ANO2: variants seen among roughly 807,000 people sequenced by gnomAD.
ANO2 encodes anoctamin-2.
Under a neutral mutation model 124.2 loss-of-function variants are expected in ANO2, and 101 were observed. That is an observed-to-expected ratio of 0.81 (90% CI 0.69 to 0.96). The LOEUF is 0.96. Among genes scored for constraint, ANO2 ranks in the 40% least tolerant of loss-of-function variants. ANO2 has a pLI of 0.00. For synonymous variants in ANO2, 486 were observed against 482.5 expected (o/e 1.01, Z -0.09); for missense variants, 1,293 against 1,274.5 (o/e 1.01, Z -0.22).
At chr12:5,592,141 G>A (rs1943425106) in intron 20 of ANO2, among the ~76,000 whole-genome samples, 1 of 152,184 alleles carries the variant, frequency 6.6e-6, no homozygotes, top group Non-Finnish European at 1.5e-5. Flanking sequence ...CACAGGTCAT[G>A]GGATCAAGAG....
intron 3 of ANO2, among the ~76,000 whole-genome samples, chr12:5,859,276 A>G (rs1007029453): frequency 3.3e-5 from 5 of 152,232 alleles, no homozygotes; most frequent in Admixed American, 6.5e-5. Context: ...CAGGCCTGTC[A>G]GTCTAAGGTA....
chr12:5,610,420 T>C (rs1375847524), intron 19 of ANO2, among the ~76,000 whole-genome samples: 1 of 126,288 alleles, frequency 7.9e-6, no homozygotes, highest in African/African-American at 3.0e-5. Flanking sequence ...AATGCATATA[T>C]TTATACATAA....
At position 5,854,097 on chromosome 12, in the gene ANO2, C is replaced by T; in HGVS notation, c.579G>A (p.Trp193Ter). Residue 193 changes from tryptophan to a stop codon, truncating the protein, a stop_gained, in exon 4 of 25, where the codon TGG becomes TGA. Transcript: ENST00000682330. LOFTEE classifies it high-confidence loss of function. ...ATTCTGCCTCTCTGGCCAGCACCTGCCACGGGGCGTGTATCCGGACAAAGA... is the reference window on the plus strand; with the variant it reads ...ATTCTGCCTCTCTGGCCAGCACCTGTCACGGGGCGTGTATCCGGACAAAGA... ...GSIFVRIHAP[W>*]QVLAREAEFL... 6.2e-7 allele frequency: 1 copy of T among 1,613,664 alleles called. No individual in the cohort carries two copies. Among genetic ancestry groups the T allele is most frequent in the Non-Finnish European group, 8.5e-7 (1 of 1,179,692 alleles).
intron 8 of ANO2, among the ~76,000 whole-genome samples, chr12:5,807,020 A>G (rs1220027076): frequency 6.6e-6 from 1 of 152,190 alleles, no homozygotes; most frequent in Non-Finnish European, 1.5e-5. Context: ...ACATCTGTAT[A>G]GTTACACTTT....
chr12:5,832,655 G>A, intron 4 of ANO2, 52 bp from the exon 5 acceptor site: 1 of 1,539,264 alleles, frequency 6.5e-7, no homozygotes, highest in Non-Finnish European at 8.7e-7. Context: ...CCAGCAGAGA[G>A]GAATGGCTTC....
At chr12:5,794,071 G>A (rs891082358) in intron 10 of ANO2, among the ~76,000 whole-genome samples, 5 of 152,198 alleles carry the variant, frequency 3.3e-5, no homozygotes, top group African/African-American at 1.2e-4. Flanking sequence ...ACCTCAACCA[G>A]CTGTTGCTGC....
chr12:5,625,161 A>T lies in ANO2; in HGVS notation c.1817-9864T>A, dbSNP rs977647287. Among the ~76,000 whole-genome samples, 19 of 152,184 alleles carry T rather than the reference A, an allele frequency of 1.2e-4. 1 individual carries two copies. The highest frequency in any genetic ancestry group is 4.1e-4 in the African/African-American group (17 of 41,440). The stretch of plus-strand genomic sequence containing the variant: ...CAGGGGAAGGATGTGACAAAATTAA[A>T]TTTTTAAAAAATCACAGAAAGTGAA... On this transcript the variant is annotated intron_variant, in intron 16 of 24. Transcript: ENST00000682330.
chr12:5,601,973 C>T (rs1943962597), intron 19 of ANO2, among the ~76,000 whole-genome samples: 1 of 152,102 alleles, frequency 6.6e-6, no homozygotes, highest in South Asian at 2.1e-4. Flanking sequence ...CCAGGTATCC[C>T]CAAGGCAGGG....
In ANO2 at chr12:5,636,987, G is replaced by A. The variant is rs915786188; in HGVS notation, c.1621-1640C>T. Among the ~76,000 whole-genome samples the A allele has an allele frequency of 2.0e-5, 3 of 151,718 alleles. No individual in the cohort carries two copies. The highest frequency in any genetic ancestry group is 4.8e-5 in the African/African-American group (2 of 41,258). ...CGTTCTCTGGGTAGAGGAAGGCTGT[G>A]TGTGTTTGGGTGTGTGTGGGTGTGG... is the stretch of plus-strand genomic sequence containing the variant. On this transcript the variant is annotated intron_variant, in intron 15 of 24. Transcript: ENST00000682330. The surrounding 1 kb of genome is among the most constrained non-coding windows in gnomAD (Gnocchi z 4.6).
intron 1 of ANO2, among the ~76,000 whole-genome samples, chr12:5,943,042 AG>A (rs1328128150): frequency 6.6e-6 from 1 of 152,228 alleles, no homozygotes; most frequent in East Asian, 1.9e-4. Context: ...CAACCACTAT[AG>A]AAAAACAGTA....
Position 5,615,301 on chromosome 12 carries a change from T to A in ANO2, c.1817-4A>T, listed in dbSNP as rs1210233996. On this transcript the variant is annotated splice_polypyrimidine_tract_variant and splice_region_variant and intron_variant, in intron 16 of 24. Coordinates refer to ENST00000682330, the MANE Select transcript of ANO2 (RefSeq NM_001364791.2). ...GTCTGTTCTGTTTTCGGAACCTCTG[T>A]AAGAGAAGAGCGAGGCTGATGAGAT... 3 of 1,609,816 alleles carry A rather than the reference T, an allele frequency of 1.9e-6. No homozygotes were observed. Among genetic ancestry groups the A allele is most frequent in the Non-Finnish European group, 2.5e-6 (3 of 1,177,528 alleles).
chr12:5,667,305 T>C (rs1348505231), intron 14 of ANO2, among the ~76,000 whole-genome samples: 1 of 151,514 alleles, frequency 6.6e-6, no homozygotes, highest in African/African-American at 2.4e-5. Flanking sequence ...CACTTCACAG[T>C]TGGTTAGCTC....
chr12:5,869,183 G>T (rs1955507598), intron 3 of ANO2, among the ~76,000 whole-genome samples: 1 of 152,076 alleles, frequency 6.6e-6, no homozygotes, highest in Non-Finnish European at 1.5e-5. Context: ...ACTCTCCAAG[G>T]CTCGCTTCCA....
chr12:5,783,108 A>C (rs1952449499), intron 10 of ANO2, among the ~76,000 whole-genome samples: 1 of 152,228 alleles, frequency 6.6e-6, no homozygotes, highest in Non-Finnish European at 1.5e-5. Flanking sequence ...CAACACACTG[A>C]GAGCTCATGC....
intron 14 of ANO2, among the ~76,000 whole-genome samples, chr12:5,713,932 A>G (rs1949915982): frequency 6.6e-6 from 1 of 152,124 alleles, no homozygotes; most frequent in South Asian, 2.1e-4. Flanking sequence ...CCCTCCCTCT[A>G]TCTGCCAGGT....
chr12:5,655,331 T>A (rs747974485), intron 14 of ANO2, among the ~76,000 whole-genome samples: 1 of 152,212 alleles, frequency 6.6e-6, no homozygotes, highest in African/African-American at 2.4e-5. Context: ...TTCTCCTTTA[T>A]CTTAAAACTG....
At chr12:5,775,258 G>C (rs1952194820) in intron 10 of ANO2, among the ~76,000 whole-genome samples, 1 of 151,816 alleles carries the variant, frequency 6.6e-6, no homozygotes, top group Admixed American at 6.6e-5. Flanking sequence ...TAAGAGAATA[G>C]AAATAATTAC....
chr12:5,605,916 T>C (rs550967010), intron 19 of ANO2, among the ~76,000 whole-genome samples: 7 of 152,292 alleles, frequency 4.6e-5, no homozygotes, highest in African/African-American at 1.7e-4. Flanking sequence ...CGATCCTCTC[T>C]GGGAAGCATC....
At chr12:5,578,762 G>GA (rs1490140482) in intron 20 of ANO2, among the ~76,000 whole-genome samples, 7 of 151,898 alleles carry the variant, frequency 4.6e-5, no homozygotes, top group South Asian at 4.2e-4. Flanking sequence ...GGAGATACAA[G>GA]AAAAAAAAGT....
Sources: gnomAD v4.1 joint callset for allele counts (sites outside exome capture counted in the v4.1 genomes callset) on GRCh38, gnomAD v4.1.1 for gene constraint, Gnocchi (gnomAD v3.1) non-coding constraint, MANE v1.5 for transcripts, NCBI Gene and HGNC (gene_info 2026-07-23, HGNC 2026-07-21) for gene names.